CELF2: variants seen among roughly 807,000 people sequenced by gnomAD.
CELF2 encodes the protein CUG triplet repeat RNA-binding protein 2.
Under a neutral mutation model 62.6 loss-of-function variants are expected in CELF2, and 8 were observed. That is an observed-to-expected ratio of 0.13 (90% CI 0.07 to 0.23). CELF2 has a LOEUF of 0.23. Ranked by LOEUF, CELF2 falls within the 10% of genes least tolerant of loss-of-function variation. The pLI, the probability that CELF2 is intolerant of heterozygous loss-of-function variation, is 1.00. For missense variants in CELF2, 333 were observed against 671.0 expected, an observed-to-expected ratio of 0.50 and a Z score of 5.56; for synonymous variants, 258 against 250.0, an observed-to-expected ratio of 1.03 and a Z score of -0.30.
intron 2 of CELF2, among the ~76,000 whole-genome samples, chr10:10,937,200 C>T (rs576341577): frequency 7.6e-5 from 11 of 144,414 alleles, no homozygotes; most frequent in Admixed American, 7.0e-4. Context: ...AATCTTGTCT[C>T]ACCGGGAGGC....
intron 1 of CELF2, among the ~76,000 whole-genome samples, chr10:10,884,615 C>G (rs906274261): frequency 6.6e-6 from 1 of 152,196 alleles, no homozygotes; most frequent in Admixed American, 6.5e-5. Context: ...CCTACCCATA[C>G]ATTCAAGACC....
At chr10:11,175,069 C>G (rs543904611) in intron 2 of CELF2, among the ~76,000 whole-genome samples, 8 of 151,982 alleles carry the variant, frequency 5.3e-5, no homozygotes, top group South Asian at 2.1e-4. Flanking sequence ...TCTGCCCCCC[C>G]GCCCCAAATG....
At chr10:10,890,704 A>G (rs1234776521) in intron 1 of CELF2, among the ~76,000 whole-genome samples, 1 of 152,122 alleles carries the variant, frequency 6.6e-6, no homozygotes, top group Non-Finnish European at 1.5e-5. Flanking sequence ...CAGAGAAGAG[A>G]CAGGAAAGTG....
At chr10:11,274,035 T>C (rs1215061239) in intron 7 of CELF2, among the ~76,000 whole-genome samples, 1 of 138,908 alleles carries the variant, frequency 7.2e-6, no homozygotes, top group Non-Finnish European at 1.5e-5. Context: ...CACCTGGCTC[T>C]GAAAGCTGTT....
chr10:10,736,376 C>T, the CELF2 span, among the ~76,000 whole-genome samples: 2 of 94,024 alleles, frequency 2.1e-5, no homozygotes, highest in Non-Finnish European at 4.3e-5. Flanking sequence ...TTCTTTCTTT[C>T]TTTCTTTCTT....
chr10:10,760,151 AC>A, the CELF2 span, among the ~76,000 whole-genome samples: 4 of 152,048 alleles, frequency 2.6e-5, no homozygotes, highest in Admixed American at 6.6e-5. Context: ...TGATCCACCC[AC>A]CTCAGGCTCC....
the CELF2 span, among the ~76,000 whole-genome samples, chr10:10,733,617 G>GC: frequency 6.6e-6 from 1 of 151,976 alleles, no homozygotes; most frequent in African/African-American, 2.4e-5. Flanking sequence ...TGGCTTGGGG[G>GC]GGCCTCACAA....
chr10:11,148,631 A>C (rs2062711824), intron 1 of CELF2, among the ~76,000 whole-genome samples: 2 of 152,124 alleles, frequency 1.3e-5, no homozygotes, highest in African/African-American at 2.4e-5. Context: ...GGCTTCCTAA[A>C]ATGACCATCT....
chr10:11,210,704 T>A (rs1271959082), intron 2 of CELF2, among the ~76,000 whole-genome samples: 1 of 152,166 alleles, frequency 6.6e-6, no homozygotes. Flanking sequence ...GAGGAATGCC[T>A]CCCTGAAACC....
chr10:10,950,193 G>A (rs1282489082), intron 2 of CELF2, among the ~76,000 whole-genome samples: 1 of 152,188 alleles, frequency 6.6e-6, no homozygotes, highest in Non-Finnish European at 1.5e-5. Context: ...CTGGGAAAGG[G>A]CCAGGGCCTG....
chr10:10,588,069 C>G, the CELF2 span, among the ~76,000 whole-genome samples: 7 of 151,608 alleles, frequency 4.6e-5, no homozygotes, highest in African/African-American at 1.5e-4. Context: ...AAGGCATGAT[C>G]CCTTCTAACA....
At chr10:10,887,154 G>C (rs2061805722) in intron 1 of CELF2, among the ~76,000 whole-genome samples, 1 of 148,862 alleles carries the variant, frequency 6.7e-6, no homozygotes, top group African/African-American at 2.5e-5. Flanking sequence ...TTTTTCCTAA[G>C]CTCCACTTGT....
At chr10:10,536,022 ATTTT>A in the CELF2 span, among the ~76,000 whole-genome samples, 2 of 140,230 alleles carry the variant, frequency 1.4e-5, no homozygotes, top group Non-Finnish European at 3.1e-5. Context: ...AAGCTTTTGG[ATTTT>A]TTTTTTTTTT....
intron 9 of CELF2, among the ~76,000 whole-genome samples, chr10:11,312,158 G>C (rs1160985930): frequency 6.6e-6 from 1 of 152,128 alleles, no homozygotes; most frequent in African/African-American, 2.4e-5. Context: ...AAACCTCTCA[G>C]TCTCGAATAC....
rs201105 is a variant in CELF2 at position 10,990,620 on chromosome 10, C to G, written c.89+70621C>G. Among the ~76,000 whole-genome samples, 109,649 of 152,072 alleles carry G rather than the reference C, an allele frequency of 0.72. 40,998 individuals are homozygous for G. Among genetic ancestry groups the G allele is most frequent in the African/African-American group, 0.92 (38,105 of 41,508 alleles). On this transcript the variant is annotated intron_variant, in intron 2 of 13. Coordinates refer to the CELF2 transcript ENST00000636488. The surrounding 1 kb of genome is among the most constrained non-coding windows in gnomAD (Gnocchi z 4.6). ...TAATAGTATAATATACGCTCAGTGG[C>G]AATTCAGTGTATTTCATAGATAAGT...
chr10:10,709,007 G>A, the CELF2 span, among the ~76,000 whole-genome samples: 1 of 152,258 alleles, frequency 6.6e-6, no homozygotes, highest in East Asian at 1.9e-4. Context: ...TAAGCTGCCT[G>A]CCCTTGCAAG....
chr10:11,149,271 A>G (rs927868294), intron 1 of CELF2, among the ~76,000 whole-genome samples: 1 of 152,112 alleles, frequency 6.6e-6, no homozygotes, highest in African/African-American at 2.4e-5. Context: ...GGGTTTTGCC[A>G]TGTTGGCCAG....
intron 1 of CELF2, among the ~76,000 whole-genome samples, chr10:10,800,624 TC>T (rs1418705469): frequency 6.6e-6 from 1 of 152,168 alleles, no homozygotes; most frequent in Non-Finnish European, 1.5e-5. Context: ...TTAGATTGTT[TC>T]CACTCCTTAA....
intron 1 of CELF2, among the ~76,000 whole-genome samples, chr10:10,805,881 C>T (rs1564645805): frequency 1.3e-5 from 2 of 152,146 alleles, no homozygotes; most frequent in Non-Finnish European, 2.9e-5. Flanking sequence ...TGTTGAGACT[C>T]GGTAGTCGAG....
Sources: gnomAD v4.1 joint callset for allele counts (sites outside exome capture counted in the v4.1 genomes callset) on GRCh38, gnomAD v4.1.1 for gene constraint, Gnocchi (gnomAD v3.1) non-coding constraint, MANE v1.5 for transcripts, NCBI Gene and HGNC (gene_info 2026-07-23, HGNC 2026-07-21) for gene names.